CLK1: variants seen among roughly 807,000 people sequenced by gnomAD.
The protein encoded by CLK1 is CDC like kinase 1.
In CLK1, 40 loss-of-function variants were observed where a neutral mutation model predicts 60.9. The ratio of observed to expected loss-of-function variants is 0.66; its 90% CI spans 0.51 to 0.86. The LOEUF is 0.86. Among genes scored for constraint, CLK1 ranks in the 40% least tolerant of loss-of-function variants. The pLI, the probability that CLK1 is intolerant of heterozygous loss-of-function variation, is 0.00. For missense variants in CLK1, 563 were observed against 606.1 expected, an observed-to-expected ratio of 0.93 and a Z score of 0.75; for synonymous variants, 203 against 184.4, an observed-to-expected ratio of 1.10 and a Z score of -0.82.
intron 7 of CLK1, 109 bp downstream of exon 7, chr2:200,857,609 C>A: frequency 1.1e-6 from 1 of 897,282 alleles, no homozygotes; most frequent in South Asian, 1.9e-5. Flanking sequence ...CCTATTCTTC[C>A]TCCCCCTTTA....
At chr2:200,857,198 C>T (rs1327689068) in intron 7 of CLK1, 28 of 522,558 alleles carry the variant, frequency 5.4e-5, no homozygotes, top group South Asian at 4.8e-4. Flanking sequence ...CCTAGCTACT[C>T]GGGAGGCTGA....
intron 12 of CLK1, 147 bp downstream of exon 12, chr2:200,853,756 C>T (rs1339803945): frequency 4.3e-6 from 2 of 461,558 alleles, no homozygotes; most frequent in African/African-American, 4.2e-5. Context: ...CTGAGACCTG[C>T]TTGAGCCTAG....
rs763302053 is a variant in CLK1, at chr2:200,857,768, C to T, written c.782G>A (p.Arg261Gln). The change falls in exon 7 of 13, where the codon CGA becomes CAA. Residue 261 changes from arginine (R) to glutamine (Q), a missense_variant. By Grantham distance (43) the Arg-to-Gln change is conservative. Around this residue, in one of 3 missense-constraint regions of CLK1, gnomAD observed 360 missense variants for 407.0 expected, o/e 0.88. Transcript: ENST00000321356. ...FIKENGFLPF[R>Q]LDHIRKMAYQ... ...TGCCATCTTTCTGATATGATCCAGT[C>T]GAAATGGTAGAAAACCATTTTCTTT... The T allele has an allele frequency of 4.3e-6, 7 of 1,612,142 alleles. No individual in the cohort carries two copies. The highest frequency in any genetic ancestry group is 2.2e-5 in the East Asian group (1 of 44,866).
At chr2:200,853,801 T>C in intron 12 of CLK1, 102 bp downstream of exon 12, 1 of 819,700 alleles carries the variant, frequency 1.2e-6, no homozygotes, top group Non-Finnish European at 1.9e-6. Context: ...GCCAACATCG[T>C]GCCACTCTAC....
At chr2:200,863,181 T>C (rs566154731) in intron 1 of CLK1, 34 of 152,008 alleles carry the variant, frequency 2.2e-4, no homozygotes, top group African/African-American at 7.7e-4. Flanking sequence ...GCGGTAGGGG[T>C]TGTATACTAA....
intron 1 of CLK1, 131 bp from the exon 2 acceptor site, chr2:200,861,993 A>C (rs1192452608): frequency 2.9e-6 from 2 of 686,360 alleles, no homozygotes; most frequent in East Asian, 5.4e-5. Flanking sequence ...ACCCAATCTG[A>C]AATCACTGAT....
At chr2:200,859,629 T>C (rs770191195) in intron 5 of CLK1, 51 bp downstream of exon 5, 4 of 1,443,244 alleles carry the variant, frequency 2.8e-6, no homozygotes, top group South Asian at 2.3e-5. Flanking sequence ...GCTAAATCAA[T>C]TACCTGTATT....
intron 11 of CLK1, 132 bp from the exon 12 acceptor site, chr2:200,854,125 T>A: frequency 1.7e-6 from 1 of 579,156 alleles, no homozygotes; most frequent in Non-Finnish European, 3.0e-6. Context: ...ATAGAAATGT[T>A]ACCTGCTTTG....
chr2:200,860,101 T>C (rs2039112052), intron 4 of CLK1, 24 bp downstream of exon 4: 1 of 1,609,106 alleles, frequency 6.2e-7, no homozygotes, highest in Admixed American at 1.7e-5. Context: ...GAAAAGTTAA[T>C]AAGTGTTGAA....
At chr2:200,864,468 G>T in intron 1 of CLK1, 96 bp downstream of exon 1, 1 of 500,288 alleles carries the variant, frequency 2.0e-6, no homozygotes, top group Non-Finnish European at 3.4e-6. Context: ...CGGGGACGGC[G>T]GGCAGCAAAC....
intron 9 of CLK1, 116 bp downstream of exon 9, chr2:200,856,566 A>G: frequency 3.8e-6 from 3 of 789,416 alleles, no homozygotes; most frequent in Non-Finnish European, 4.0e-6. Context: ...ACTTCATGAT[A>G]CTTATCCCTT....
chr2:200,863,932 G>A (rs1438708537), intron 1 of CLK1, among the ~76,000 whole-genome samples: 1 of 152,216 alleles, frequency 6.6e-6, no homozygotes, highest in Non-Finnish European at 1.5e-5. Flanking sequence ...CCTGACTTCT[G>A]TCACAACGCT....
chr2:200,857,216 G>C (rs1382802382), intron 7 of CLK1: 14 of 494,612 alleles, frequency 2.8e-5, no homozygotes, highest in East Asian at 1.1e-4. Flanking sequence ...TGAGGCAGGA[G>C]AATCACTTGA....
chr2:200,854,024 A>G (rs768342928), intron 11 of CLK1, 31 bp from the exon 12 acceptor site: 37 of 1,487,076 alleles, frequency 2.5e-5, no homozygotes, highest in East Asian at 6.9e-5. Flanking sequence ...ATTCATGTTT[A>G]TAACACTGAA....
chr2:200,860,795 T>C, intron 3 of CLK1: 1 of 1,025,122 alleles, frequency 9.8e-7, no homozygotes, highest in Non-Finnish European at 1.2e-6. Flanking sequence ...TCTGTTCTGG[T>C]TTGCTTAGTG....
In CLK1 at chr2:200,858,035, T is replaced by C; in HGVS notation, c.603A>G (p.Glu201=). 6.2e-7 allele frequency: 1 copy of C among 1,614,136 alleles called. No homozygotes were observed. Among genetic ancestry groups the C allele is most frequent in the Non-Finnish European group, 8.5e-7 (1 of 1,179,996 alleles). ...KIVKNVDRYC[E]AARSEIQVLE... is the part of the protein sequence containing the mutation. ...GAACTTGTATTTCTGAGCGAGCAGC[T>C]TCACAGTATCTATCCACATTTTTAA... is the stretch of plus-strand genomic sequence containing the variant. Residue 201 remains glutamate (E), a synonymous_variant, in exon 6 of 13, where the codon GAA becomes GAG. Transcript: ENST00000321356.
intron 3 of CLK1, 123 bp downstream of exon 3, chr2:200,861,115 C>G (rs2039130555): frequency 6.8e-7 from 1 of 1,480,456 alleles, no homozygotes. Flanking sequence ...AGAAAAAATC[C>G]TGCAGGTTAA....
chr2:200,853,364 A>G lies in CLK1; in HGVS notation c.1397T>C (p.Ile466Thr), dbSNP rs768386530. The change falls in exon 13 of 13, where the codon ATT (isoleucine) becomes ACT (threonine). Residue 466 changes from isoleucine (I) to threonine (T), a missense_variant. Ile to Thr is a moderately conservative substitution (Grantham distance 89). This residue lies in a region of CLK1 where 360 missense variants were observed against 407.0 expected (regional missense o/e 0.88). Coordinates refer to ENST00000321356, the MANE Select transcript of CLK1 (RefSeq NM_004071.4). ...KMLEYDPAKR[I>T]TLREALKHPF... Reference sequence around the variant, plus strand: ...ATGCTTTAAGGCTTCTCTGAGAGTAATTCTTTTGGCTGGATCATACTCCAA... The same window carrying G: ...ATGCTTTAAGGCTTCTCTGAGAGTAGTTCTTTTGGCTGGATCATACTCCAA... The G allele has an allele frequency of 2.5e-6, 4 of 1,613,430 alleles. No homozygotes were observed. Among genetic ancestry groups the G allele is most frequent in the Non-Finnish European group, 8.5e-7 (1 of 1,179,660 alleles).
chr2:200,859,975 A>G, intron 4 of CLK1, 150 bp downstream of exon 4: 1 of 1,436,414 alleles, frequency 7.0e-7, no homozygotes, highest in Non-Finnish European at 9.1e-7. Context: ...AAAGAAAGCA[A>G]AAATACAATC....
Sources: allele counts gnomAD v4.1 joint callset (sites outside exome capture counted in the v4.1 genomes callset), GRCh38; gene constraint gnomAD v4.1.1; regional missense constraint gnomAD v4.1.1; transcripts MANE v1.5; gene names NCBI Gene and HGNC (gene_info 2026-07-23, HGNC 2026-07-21).